The following CREB5 variants were observed in gnomAD, a reference collection of about 807,000 sequenced individuals.
CREB5 encodes the protein cyclic AMP-responsive element-binding protein 5.
CREB5 carries 19 observed loss-of-function variants against 57.1 expected under a neutral mutation model. The ratio of observed to expected loss-of-function variants is 0.33; its 90% CI spans 0.23 to 0.49. The LOEUF is 0.49. Among genes scored for constraint, CREB5 ranks in the 20% least tolerant of loss-of-function variants. The probability of loss-of-function intolerance (pLI) is 0.99; values close to 1 mark genes in which losing one functional copy is unlikely to be tolerated. For synonymous variants in CREB5, 238 were observed against 238.3 expected (o/e 1.00, Z 0.01); for missense variants, 579 against 671.6 (o/e 0.86, Z 1.52).
intron 1 of CREB5, among the ~76,000 whole-genome samples, chr7:28,433,185 T>TC (rs1788800318): frequency 6.6e-6 from 1 of 152,176 alleles, no homozygotes; most frequent in South Asian, 2.1e-4. Flanking sequence ...AAGGAATTAT[T>TC]CCAACGAGTA....
intron 7 of CREB5, among the ~76,000 whole-genome samples, chr7:28,767,024 G>A (rs553736135): frequency 7.2e-5 from 11 of 152,252 alleles, no homozygotes; most frequent in African/African-American, 2.4e-4. Context: ...TGCTTCTTTT[G>A]TTTGAGTCTT....
intron 3 of CREB5, among the ~76,000 whole-genome samples, chr7:28,500,418 A>G (rs1297696723): frequency 6.6e-6 from 1 of 152,172 alleles, no homozygotes; most frequent in Non-Finnish European, 1.5e-5. Flanking sequence ...GAGAGGCAGG[A>G]AAGACTGGCT....
At position 28,819,189 on chromosome 7, in the gene CREB5, C is replaced by T; in HGVS notation, c.1437C>T (p.Ile479=). The T allele has an allele frequency of 6.2e-7, 1 of 1,613,920 alleles. No individual in the cohort carries two copies. The highest frequency in any genetic ancestry group is 1.7e-4 in the Middle Eastern group (1 of 6,058). Residue 479 remains isoleucine (I), a synonymous_variant, in exon 11 of 11, where the codon ATC becomes ATT. Coordinates refer to ENST00000357727, the MANE Select transcript of CREB5 (RefSeq NM_182898.4). ...AACAAGTCATCCAGCATAATACCATCACTACTTCCTCATCGGTCAGCGAGG... is the reference window on the plus strand; with the variant it reads ...AACAAGTCATCCAGCATAATACCATTACTACTTCCTCATCGGTCAGCGAGG... ...SQQQVIQHNT[I]TTSSSVSEVV... is the part of the protein sequence containing the mutation.
At chr7:28,457,660 A>G (rs1422389199) in intron 1 of CREB5, among the ~76,000 whole-genome samples, 3 of 152,136 alleles carry the variant, frequency 2.0e-5, no homozygotes, top group Admixed American at 2.0e-4. Flanking sequence ...TTTGTAGGAG[A>G]CTGGCTTTCA....
intron 5 of CREB5, among the ~76,000 whole-genome samples, chr7:28,634,533 C>A (rs1798334253): frequency 6.6e-6 from 1 of 152,128 alleles, no homozygotes; most frequent in Admixed American, 6.6e-5. Flanking sequence ...TAGATGGCCA[C>A]AATTTCTCAT....
At chr7:28,350,158 G>A (rs1161582483) in intron 1 of CREB5, among the ~76,000 whole-genome samples, 1 of 152,180 alleles carries the variant, frequency 6.6e-6, no homozygotes, top group African/African-American at 2.4e-5. Flanking sequence ...AACACAAGGA[G>A]TAAACTAAGA....
chr7:28,539,948 G>T (rs1007896115), intron 4 of CREB5, among the ~76,000 whole-genome samples: 2 of 152,128 alleles, frequency 1.3e-5, no homozygotes, highest in African/African-American at 4.8e-5. Context: ...TCATTCATTG[G>T]GCATAAATTG....
At chr7:28,427,495 C>T (rs1273351100) in intron 1 of CREB5, among the ~76,000 whole-genome samples, 3 of 152,254 alleles carry the variant, frequency 2.0e-5, no homozygotes, top group Admixed American at 6.5e-5. Context: ...TTCCCTTAGG[C>T]TGGTTGAAAA....
chr7:28,736,824 C>CTCTTT (rs1554293490), intron 7 of CREB5, among the ~76,000 whole-genome samples: 2 of 134,834 alleles, frequency 1.5e-5, no homozygotes, highest in African/African-American at 2.7e-5. Flanking sequence ...CTCTCTCTCT[C>CTCTTT]TTTTTTTTTT....
chr7:28,435,459 A>G (rs1467594347), intron 1 of CREB5, among the ~76,000 whole-genome samples: 1 of 143,128 alleles, frequency 7.0e-6, no homozygotes, highest in Admixed American at 7.4e-5. Context: ...CAAAGTTATG[A>G]TCAGACGTTT....
At chr7:28,687,627 CTTAT>C (rs1801012873) in intron 5 of CREB5, among the ~76,000 whole-genome samples, 1 of 151,166 alleles carries the variant, frequency 6.6e-6, no homozygotes, top group Non-Finnish European at 1.5e-5. Flanking sequence ...TTCTCTTGGG[CTTAT>C]TTAGACGTGA....
chr7:28,722,394 C>G (rs1319860367), intron 6 of CREB5, among the ~76,000 whole-genome samples: 3 of 152,110 alleles, frequency 2.0e-5, no homozygotes, highest in African/African-American at 7.2e-5. Context: ...GGGTCAAATA[C>G]TATTCCAGCT....
intron 5 of CREB5, among the ~76,000 whole-genome samples, chr7:28,682,648 T>A (rs1800654025): frequency 6.6e-6 from 1 of 150,642 alleles, no homozygotes; most frequent in Non-Finnish European, 1.5e-5. Flanking sequence ...GATGATATAC[T>A]TTTCCTTGAG....
chr7:28,466,377 G>A (rs1583497393), intron 1 of CREB5, among the ~76,000 whole-genome samples: 1 of 152,260 alleles, frequency 6.6e-6, no homozygotes. Flanking sequence ...AAAGAAAAGT[G>A]TTGGGGGTGG....
intron 5 of CREB5, among the ~76,000 whole-genome samples, chr7:28,677,190 G>A (rs1271681914): frequency 3.3e-5 from 5 of 152,034 alleles, no homozygotes; most frequent in South Asian, 4.1e-4. Context: ...TTTCATTTAC[G>A]TTATCAACTT....
At chr7:28,364,394 A>T (rs1786547976) in intron 1 of CREB5, among the ~76,000 whole-genome samples, 1 of 152,228 alleles carries the variant, frequency 6.6e-6, no homozygotes, top group Non-Finnish European at 1.5e-5. Context: ...ATTCCTCAAC[A>T]TCTATTGCTT....
At chr7:28,493,072 A>G (rs1013899937) in intron 2 of CREB5, among the ~76,000 whole-genome samples, 54 of 152,350 alleles carry the variant, frequency 3.5e-4, no homozygotes, top group African/African-American at 1.3e-3. Flanking sequence ...TTATTCAGAG[A>G]GCTACTTTTA....
chr7:28,580,429 C>A (rs1470820101), intron 5 of CREB5, among the ~76,000 whole-genome samples: 2 of 130,970 alleles, frequency 1.5e-5, no homozygotes, highest in African/African-American at 5.7e-5. Flanking sequence ...TCCCCCCCCA[C>A]CACACACACA....
intron 7 of CREB5, chr7:28,749,372 C>T (rs748356061): frequency 2.0e-5 from 3 of 152,262 alleles, no homozygotes; most frequent in Non-Finnish European, 2.9e-5. Context: ...CTCAGTGCTG[C>T]ATGTGGCTGA....
Sources: allele counts gnomAD v4.1 joint callset (sites outside exome capture counted in the v4.1 genomes callset), GRCh38; gene constraint gnomAD v4.1.1; transcripts MANE v1.5; gene names NCBI Gene and HGNC (gene_info 2026-07-23, HGNC 2026-07-21).